GNB1: variants seen among roughly 807,000 people sequenced by gnomAD.
GNB1 encodes the protein G protein subunit beta 1.
In GNB1, 2 loss-of-function variants were observed where a neutral mutation model predicts 42.9. That is an observed-to-expected ratio of 0.05 (90% CI 0.02 to 0.15). The LOEUF (loss-of-function observed/expected upper bound fraction) is 0.15. Among genes scored for constraint, GNB1 ranks in the 10% least tolerant of loss-of-function variants. GNB1 has a pLI of 1.00. For synonymous variants in GNB1, 183 were observed against 174.7 expected (o/e 1.05, Z -0.38); for missense variants, 193 against 462.2 (o/e 0.42, Z 5.34).
chr1:1,840,979 A>G (rs1266738859), intron 1 of GNB1, among the ~76,000 whole-genome samples: 6 of 151,542 alleles, frequency 4.0e-5, no homozygotes, highest in South Asian at 2.1e-4. Context: ...GGAACCTCCG[A>G]CTCACTGGTT....
intron 4 of GNB1, chr1:1,817,623 G>T: frequency 2.2e-6 from 1 of 448,320 alleles, no homozygotes. Flanking sequence ...ACAGGTAGAT[G>T]ATTATTCAAG....
At chr1:1,806,593 C>G in intron 5 of GNB1, 55 bp from the exon 6 acceptor site, 2 of 1,194,800 alleles carry the variant, frequency 1.7e-6, no homozygotes, top group Non-Finnish European at 2.5e-6. Flanking sequence ...AGAAAGTGTA[C>G]AAGAGCAACA....
intron 7 of GNB1, among the ~76,000 whole-genome samples, chr1:1,799,761 G>A (rs566928524): frequency 6.6e-6 from 1 of 152,306 alleles, no homozygotes; most frequent in South Asian, 2.1e-4. Context: ...TCTGAGGAGG[G>A]GACTGTCTGT....
intron 2 of GNB1, among the ~76,000 whole-genome samples, chr1:1,836,492 A>G (rs1252465883): frequency 6.7e-6 from 1 of 149,590 alleles, no homozygotes; most frequent in East Asian, 2.0e-4. Context: ...CCCGGGCTCA[A>G]GTGATTCTCC....
At position 1,840,026 on chromosome 1, in the gene GNB1, T is replaced by C. The variant is rs141978247; in HGVS notation, c.-95-788A>G. ...TTTAATGTGTTTTAAGAACACATTA[T>C]GTTCTTGGCAGCGAACTAAAAAAAA... On this transcript the variant is annotated intron_variant, in intron 1 of 11. Coordinates refer to ENST00000378609, the MANE Select transcript of GNB1 (RefSeq NM_002074.5). 1.6e-3 allele frequency among the ~76,000 whole-genome samples: 241 copies of C among 151,138 alleles called. 1 individual carries two copies. The highest frequency in any genetic ancestry group is 0.01 in the Middle Eastern group (3 of 292).
chr1:1,855,923 T>A (rs536360031), intron 1 of GNB1, among the ~76,000 whole-genome samples: 6 of 152,346 alleles, frequency 3.9e-5, no homozygotes, highest in African/African-American at 1.2e-4. Context: ...GGGAAGGTGA[T>A]AAGCAGGGAG....
chr1:1,890,126 G>A (rs1022056444), intron 1 of GNB1, among the ~76,000 whole-genome samples: 2 of 152,170 alleles, frequency 1.3e-5, no homozygotes, highest in Non-Finnish European at 2.9e-5. Flanking sequence ...ACACGCGCGG[G>A]GCGCCAGCGC....
intron 1 of GNB1, among the ~76,000 whole-genome samples, chr1:1,886,800 G>A (rs6688470): frequency 0.39 from 59,518 of 152,054 alleles, 14,389 homozygotes; most frequent in Admixed American, 0.54. Flanking sequence ...CCCCCTCCCG[G>A]GTTCCTGCCA....
At position 1,837,972 on chromosome 1, in the gene GNB1, G is replaced by A. The variant is rs1170181638; in HGVS notation, c.-47+1218C>T. ...AATCCCACAGCTTTGGGAGGCCAAG[G>A]CGGGTGGATCACCTGAGGTCAGGAG... is the stretch of plus-strand genomic sequence containing the variant. On this transcript the variant is annotated intron_variant, in intron 2 of 11. Transcript: ENST00000378609. Among the ~76,000 whole-genome samples the A allele has an allele frequency of 3.9e-5, 6 of 152,144 alleles. No homozygotes were observed. The South Asian group carries it at 1.0e-3, about 26-fold the overall frequency.
chr1:1,882,462 C>G (rs370744756), intron 1 of GNB1, among the ~76,000 whole-genome samples: 102 of 144,700 alleles, frequency 7.0e-4, no homozygotes, highest in African/African-American at 2.5e-3. Context: ...AGAGAAGGTG[C>G]TAAGTCAACA....
chr1:1,805,340 A>G (rs1646682399), intron 6 of GNB1, among the ~76,000 whole-genome samples: 1 of 150,790 alleles, frequency 6.6e-6, no homozygotes, highest in South Asian at 2.1e-4. Context: ...GGCGCCTGTA[A>G]TCCCAGCTAC....
Position 1,808,539 on chromosome 1 carries a change from T to C in GNB1, c.204-2001A>G, listed in dbSNP as rs905909992. ...CTGTTTTCAAGGAAGAGCAAGAAGG[T>C]TCCACTGTTTGATGCAGGGATATCT... On this transcript the variant is annotated intron_variant, in intron 5 of 11. Transcript: ENST00000378609. Among the ~76,000 whole-genome samples, 3 of 152,312 alleles carry C rather than the reference T, an allele frequency of 2.0e-5. No homozygotes were observed. In the East Asian group the frequency reaches 5.8e-4, roughly 29 times the overall value.
At chr1:1,816,085 C>G (rs1242383711) in intron 4 of GNB1, among the ~76,000 whole-genome samples, 2 of 152,188 alleles carry the variant, frequency 1.3e-5, no homozygotes, top group Non-Finnish European at 2.9e-5. Flanking sequence ...GTGCCCTGCC[C>G]TCCAATGCAC....
At chr1:1,843,826 G>A (rs560309166) in intron 1 of GNB1, among the ~76,000 whole-genome samples, 64 of 152,218 alleles carry the variant, frequency 4.2e-4, no homozygotes, top group African/African-American at 1.4e-3. Flanking sequence ...TTGGGAGGCC[G>A]AGGCGGGTGG....
intron 7 of GNB1, among the ~76,000 whole-genome samples, chr1:1,803,865 C>G (rs966125042): frequency 6.6e-6 from 1 of 151,592 alleles, no homozygotes; most frequent in Admixed American, 6.6e-5. Context: ...ACCTGTGGTC[C>G]CAGCTACTTG....
intron 7 of GNB1, among the ~76,000 whole-genome samples, chr1:1,801,173 G>A (rs1351029126): frequency 2.6e-5 from 4 of 152,182 alleles, no homozygotes; most frequent in African/African-American, 9.6e-5. Context: ...GACTACAAGC[G>A]CATGCCACCA....
chr1:1,792,118 G>A (rs1217991071), intron 8 of GNB1, among the ~76,000 whole-genome samples: 1 of 151,572 alleles, frequency 6.6e-6, no homozygotes, highest in Non-Finnish European at 1.5e-5. Flanking sequence ...ATAACTATCT[G>A]GACATTTAAT....
intron 1 of GNB1, among the ~76,000 whole-genome samples, chr1:1,841,968 TG>T (rs1336995060): frequency 6.6e-6 from 1 of 152,238 alleles, no homozygotes; most frequent in African/African-American, 2.4e-5. Context: ...CATGAATGGA[TG>T]AATAAAATGT....
intron 1 of GNB1, among the ~76,000 whole-genome samples, chr1:1,874,340 C>G (rs1210790550): frequency 7.2e-5 from 11 of 151,944 alleles, no homozygotes; most frequent in Non-Finnish European, 1.5e-4. Context: ...CGTGGTGGCT[C>G]ACGCGTGTCT....
Sources: allele counts gnomAD v4.1 joint callset (sites outside exome capture counted in the v4.1 genomes callset), GRCh38; gene constraint gnomAD v4.1.1; transcripts MANE v1.5; gene names NCBI Gene and HGNC (gene_info 2026-07-23, HGNC 2026-07-21).